Variants in DDX46 observed in about 807,000 individuals in gnomAD.
The protein encoded by DDX46 is DEAD-box helicase 46.
DDX46 carries 30 observed loss-of-function variants against 134.9 expected under a neutral mutation model. The observed-to-expected ratio is 0.22, with a 90% confidence interval of 0.17 to 0.30. The LOEUF (loss-of-function observed/expected upper bound fraction) is 0.30, where lower values mean the gene tolerates loss of function less well. DDX46 is among the 10% of genes least tolerant of loss of function. The pLI is 1.00. For synonymous variants in DDX46, 415 were observed against 404.1 expected, an observed-to-expected ratio of 1.03 and a Z score of -0.32; for missense variants, 622 against 1,248.7, an observed-to-expected ratio of 0.50 and a Z score of 7.56.
intron 13 of DDX46, 152 bp from the exon 14 acceptor site, chr5:134,794,698 T>G (rs1754599061): frequency 2.3e-6 from 2 of 873,874 alleles, no homozygotes; most frequent in Non-Finnish European, 3.5e-6. Context: ...CCTAAGCATG[T>G]GTGGAGTTGT....
chr5:134,790,352 C>T, intron 12 of DDX46, 118 bp from the exon 13 acceptor site: 2 of 827,610 alleles, frequency 2.4e-6, no homozygotes, highest in Non-Finnish European at 3.7e-6. Context: ...ACTTACCCCT[C>T]TGGTTAAGTC....
rs779201369 is a variant in DDX46 at position 134,788,597 on chromosome 5, T to A, written c.1543+6T>A. The A allele has an allele frequency of 6.2e-7, 1 of 1,611,872 alleles. No homozygotes were observed. Among genetic ancestry groups the A allele is most frequent in the East Asian group, 2.2e-5 (1 of 44,858 alleles). ...CATGTTAGCCGCTAACAGTGGTAAG[T>A]CAGGGGTATTTTTTTGGTGTCTTTT... On this transcript the variant is annotated splice_donor_region_variant and intron_variant, in intron 12 of 22. Transcript: ENST00000452510.
chr5:134,761,423 C>T (rs1245381517), intron 1 of DDX46, among the ~76,000 whole-genome samples: 3 of 152,170 alleles, frequency 2.0e-5, no homozygotes, highest in East Asian at 1.9e-4. Context: ...TACGATTAAT[C>T]GTTTGGGGAG....
intron 15 of DDX46, among the ~76,000 whole-genome samples, chr5:134,797,419 C>T (rs757368043): frequency 9.2e-5 from 14 of 152,176 alleles, no homozygotes; most frequent in Non-Finnish European, 1.3e-4. Flanking sequence ...ACCAATCTAC[C>T]TCACTTTATG....
chr5:134,774,101 T>C (rs764294215), intron 5 of DDX46, among the ~76,000 whole-genome samples: 7 of 152,206 alleles, frequency 4.6e-5, no homozygotes, highest in Non-Finnish European at 1.0e-4. Flanking sequence ...CTGCACCTTT[T>C]AAATAACTCT....
In DDX46 at chr5:134,817,507, G is replaced by A; in HGVS notation, c.2625G>A (p.Gln875=). The change falls in exon 20 of 23, where the codon CAG becomes CAA. Residue 875 remains glutamine, a synonymous_variant. Coordinates refer to ENST00000452510, the MANE Select transcript of DDX46 (RefSeq NM_001300860.2). ...LGIESQVDVM[Q]QATNAILRGG... is the part of the protein sequence containing the mutation. ...TTCTTTAACTACAGGATGTGATGCAGCAGGCCACCAATGCAATTCTTAGGG... is the reference window on the plus strand; with the variant it reads ...TTCTTTAACTACAGGATGTGATGCAACAGGCCACCAATGCAATTCTTAGGG... The A allele has an allele frequency of 6.2e-7, 1 of 1,613,808 alleles. No homozygotes were observed. Among genetic ancestry groups the A allele is most frequent in the South Asian group, 1.1e-5 (1 of 91,028 alleles).
intron 16 of DDX46, 102 bp from the exon 17 acceptor site, chr5:134,811,119 T>A (rs1755129931): frequency 1.9e-5 from 20 of 1,031,642 alleles, no homozygotes; most frequent in Non-Finnish European, 2.5e-5. Flanking sequence ...GTTAATGTTG[T>A]CAATCTCGAG....
intron 16 of DDX46, among the ~76,000 whole-genome samples, chr5:134,810,745 C>A (rs1449082535): frequency 6.6e-6 from 1 of 151,760 alleles, no homozygotes; most frequent in Non-Finnish European, 1.5e-5. Flanking sequence ...GTGGCTCGTG[C>A]CTGTAATCCC....
Position 134,795,068 on chromosome 5 carries a change from A to T in DDX46, c.1791+54A>T, listed in dbSNP as rs1561864679. ...TTTCCTTGATACTTAGGTGGTATGT[A>T]TGATTCTTCTATGATCACTGTTTGT... On this transcript the variant is annotated intron_variant, in intron 14 of 22. Transcript: ENST00000452510. 3 of 1,593,194 alleles carry T rather than the reference A, an allele frequency of 1.9e-6. No homozygotes were observed. The Admixed American group carries it at 5.2e-5, about 28-fold the overall frequency.
intron 15 of DDX46, among the ~76,000 whole-genome samples, chr5:134,804,477 G>A (rs548745370): frequency 3.6e-4 from 54 of 151,902 alleles, no homozygotes; most frequent in African/African-American, 1.2e-3. Context: ...TTACTCTGTC[G>A]CCCAAGGTGG....
At chr5:134,778,893 A>G (rs254715) in intron 6 of DDX46, among the ~76,000 whole-genome samples, 9,229 of 150,518 alleles carry the variant, frequency 0.061, 682 homozygotes, top group African/African-American at 0.19. Flanking sequence ...TTTATTTTAT[A>G]TTAATTTAAT....
chr5:134,807,642 A>G (rs1232791806), intron 15 of DDX46, 106 bp from the exon 16 acceptor site: 6 of 907,862 alleles, frequency 6.6e-6, no homozygotes, highest in Non-Finnish European at 9.8e-6. Context: ...TCTATATTTT[A>G]GGAGTTGGAT....
At chr5:134,786,287 AT>A (rs1754332704) in intron 11 of DDX46, among the ~76,000 whole-genome samples, 1 of 152,196 alleles carries the variant, frequency 6.6e-6, no homozygotes, top group African/African-American at 2.4e-5. Context: ...ATTTTTGTTA[AT>A]TATGACCCAA....
rs78403459 is a variant in DDX46, at chr5:134,765,934, C to T, written c.207-983C>T. On this transcript the variant is annotated intron_variant, in intron 2 of 22. Coordinates refer to ENST00000452510, the MANE Select transcript of DDX46 (RefSeq NM_001300860.2). ...TGGTTATTTAACATTTGGTCTTTGA[C>T]TTTTGGGTGTGAAAGTAGAATCACA... Among the ~76,000 whole-genome samples, 606 of 152,268 alleles carry T rather than the reference C, an allele frequency of 4.0e-3. 4 individuals are homozygous for T. The highest frequency in any genetic ancestry group is 0.014 in the African/African-American group (588 of 41,550).
intron 8 of DDX46, 94 bp from the exon 9 acceptor site, chr5:134,782,851 G>C: frequency 6.7e-7 from 1 of 1,493,586 alleles, no homozygotes; most frequent in Non-Finnish European, 9.0e-7. Context: ...TCTGGCATAA[G>C]AGTTAAAGTT....
intron 21 of DDX46, among the ~76,000 whole-genome samples, chr5:134,823,781 A>T (rs1755520003): frequency 6.6e-6 from 1 of 152,204 alleles, no homozygotes; most frequent in African/African-American, 2.4e-5. Flanking sequence ...TGTAGTTGGA[A>T]CTGGACAGGT....
intron 13 of DDX46, among the ~76,000 whole-genome samples, chr5:134,792,253 C>G (rs1351605271): frequency 6.6e-6 from 1 of 152,018 alleles, no homozygotes; most frequent in Non-Finnish European, 1.5e-5. Flanking sequence ...TCCTTTAACT[C>G]TGAACAAGTG....
rs752913747 is a variant in DDX46, at chr5:134,816,486, T to C, written c.2493T>C (p.Ala831=). 22 of 1,614,092 alleles carry C rather than the reference T, an allele frequency of 1.4e-5. No individual in the cohort carries two copies. In the East Asian group the frequency reaches 4.9e-4, roughly 36 times the overall value. Residue 831 remains alanine, a synonymous_variant, in exon 19 of 23, where the codon GCT becomes GCC. Transcript: ENST00000452510. ...CAAAGAAGAGAGTAAAGGATATGGC[T>C]GCTCCTGGAACATCAAGTGTTCCTG... The part of the protein sequence containing the change: ...FNSKKRVKDM[A]APGTSSVPAP...
At chr5:134,809,622 G>A (rs1458123791) in intron 16 of DDX46, among the ~76,000 whole-genome samples, 3 of 152,040 alleles carry the variant, frequency 2.0e-5, no homozygotes, top group Admixed American at 1.3e-4. Context: ...TGATCTGCCC[G>A]CCTTGGCCTC....
Sources: gnomAD v4.1 joint callset for allele counts (sites outside exome capture counted in the v4.1 genomes callset) on GRCh38, gnomAD v4.1.1 for gene constraint, MANE v1.5 for transcripts, NCBI Gene and HGNC (gene_info 2026-07-23, HGNC 2026-07-21) for gene names.